AIF1L: variants seen among roughly 807,000 people sequenced by gnomAD.
AIF1L encodes the protein allograft inflammatory factor 1-like.
In AIF1L, 12 loss-of-function variants were observed where a neutral mutation model predicts 20.7. That is an observed-to-expected ratio of 0.58 (90% CI 0.37 to 0.94). The LOEUF (loss-of-function observed/expected upper bound fraction) is 0.94, where lower values mean the gene tolerates loss of function less well. Ranked by LOEUF, AIF1L falls within the 40% of genes least tolerant of loss-of-function variation. AIF1L has a pLI of 0.01. For synonymous variants in AIF1L, 76 were observed against 65.1 expected (o/e 1.17, Z -0.81); for missense variants, 173 against 185.3 (o/e 0.93, Z 0.39).
chr9:131,096,960 C>G (rs182517912), intron 2 of AIF1L, 97 bp downstream of exon 2: 16 of 1,314,378 alleles, frequency 1.2e-5, no homozygotes, highest in Middle Eastern at 2.6e-4. Context: ...TCCAGATCTA[C>G]CCTCTTCCTT....
chr9:131,099,668 G>A (rs1830595773), intron 2 of AIF1L, among the ~76,000 whole-genome samples: 1 of 152,140 alleles, frequency 6.6e-6, no homozygotes, highest in African/African-American at 2.4e-5. Context: ...GTTCCCTTTG[G>A]GGCCTTTCTC....
At chr9:131,117,623 G>A in intron 4 of AIF1L, 133 bp from the exon 5 acceptor site, 2 of 893,754 alleles carry the variant, frequency 2.2e-6, no homozygotes, top group African/African-American at 1.7e-5. Flanking sequence ...GGCGTGATGG[G>A]CTCCTCCTCC....
intron 5 of AIF1L, among the ~76,000 whole-genome samples, chr9:131,119,094 T>G (rs1458140633): frequency 6.6e-6 from 1 of 152,268 alleles, no homozygotes; most frequent in Non-Finnish European, 1.5e-5. Context: ...GATTTCAGCC[T>G]TGTGTGGCTG....
intron 2 of AIF1L, among the ~76,000 whole-genome samples, chr9:131,110,227 A>G (rs1462065474): frequency 6.6e-6 from 1 of 152,092 alleles, no homozygotes; most frequent in East Asian, 1.9e-4. Context: ...AATAATAACA[A>G]TAGCTCCCTC....
At position 131,121,067 on chromosome 9, in the gene AIF1L, G is replaced by C. The variant is rs764436201; in HGVS notation, c.*745G>C. The C allele has an allele frequency of 2.9e-6, 2 of 693,684 alleles. No individual in the cohort carries two copies. Among genetic ancestry groups the C allele is most frequent in the East Asian group, 2.8e-5 (1 of 36,358 alleles). 43.0% of individuals were successfully genotyped at this position (693,684 alleles called of 1,614,324 possible). A position where few individuals can be genotyped will look rare whatever the true frequency, so the allele number is the denominator to read the frequency against. On this transcript the variant is annotated 3_prime_UTR_variant, in exon 6 of 6. Transcript: ENST00000247291. ...GCTTCGGAGGCAGAAGTGAGGCCTG[G>C]GGTTTTGGGGGAAAGGTCAGCTCAG...
At chr9:131,101,326 G>C (rs1013428327) in intron 2 of AIF1L, among the ~76,000 whole-genome samples, 4 of 152,048 alleles carry the variant, frequency 2.6e-5, no homozygotes, top group African/African-American at 9.7e-5. Flanking sequence ...TCTGCAGACA[G>C]CCCCATGGGA....
At chr9:131,096,912 G>A (rs1376293778) in intron 2 of AIF1L, 49 bp downstream of exon 2, 2 of 1,488,950 alleles carry the variant, frequency 1.3e-6, no homozygotes, top group Admixed American at 4.9e-5. Flanking sequence ...CGCGCGCTGC[G>A]CGGGTGCCAC....
At chr9:131,116,630 C>A (rs149892448) in intron 4 of AIF1L, among the ~76,000 whole-genome samples, 2 of 152,160 alleles carry the variant, frequency 1.3e-5, no homozygotes, top group African/African-American at 4.8e-5. Flanking sequence ...TTAGCCGATG[C>A]CTTTGTGTGG....
chr9:131,117,636 A>C, intron 4 of AIF1L, 120 bp from the exon 5 acceptor site: 1 of 1,025,842 alleles, frequency 9.7e-7, no homozygotes, highest in Non-Finnish European at 1.4e-6. Context: ...CCTCCTCCCT[A>C]GAGAAGGAGT....
intron 2 of AIF1L, chr9:131,102,931 G>A (rs1441763101): frequency 6.6e-6 from 3 of 456,336 alleles, no homozygotes; most frequent in South Asian, 4.6e-5. Context: ...TGCTGCAGCT[G>A]ATACAGAAAG....
intron 1 of AIF1L, 50 bp from the exon 2 acceptor site, chr9:131,096,752 G>T (rs749727466): frequency 5.3e-6 from 8 of 1,497,116 alleles, no homozygotes; most frequent in Non-Finnish European, 7.1e-6. Context: ...ACGGGGGCGC[G>T]TGGCCCGAAG....
chr9:131,097,358 T>A (rs1185628136), intron 2 of AIF1L, among the ~76,000 whole-genome samples: 1 of 152,212 alleles, frequency 6.6e-6, no homozygotes, highest in African/African-American at 2.4e-5. Flanking sequence ...TAGCTGGGAC[T>A]ACAGGCATGT....
At chr9:131,101,503 C>T (rs140871222) in intron 2 of AIF1L, among the ~76,000 whole-genome samples, 103 of 152,058 alleles carry the variant, frequency 6.8e-4, no homozygotes, top group Non-Finnish European at 1.1e-3. Context: ...TGCACCACCA[C>T]GCCAAGCTAA....
chr9:131,115,118 A>G (rs1212789585), intron 4 of AIF1L, among the ~76,000 whole-genome samples: 1 of 152,168 alleles, frequency 6.6e-6, no homozygotes, highest in Non-Finnish European at 1.5e-5. Flanking sequence ...GGCTGGTTTA[A>G]TTATCCCCAT....
In AIF1L at chr9:131,120,797, C is replaced by T. The variant is rs353512; in HGVS notation, c.*475C>T. On this transcript the variant is annotated 3_prime_UTR_variant, in exon 6 of 6. Transcript: ENST00000247291. ...CGGGTTTCCTTGGACAGTGCCATGG[C>T]TCCAGTGCTCTGGTGTCACCCAGGA... 252,451 of 373,324 alleles carry T rather than the reference C, an allele frequency of 0.68. 86,979 individuals carry two copies. The highest frequency in any genetic ancestry group is 0.76 in the Admixed American group (17,176 of 22,492). 23.1% of individuals were successfully genotyped at this position (373,324 alleles called of 1,614,324 possible).
chr9:131,098,521 A>C (rs910844850), intron 2 of AIF1L, among the ~76,000 whole-genome samples: 2 of 152,040 alleles, frequency 1.3e-5, no homozygotes, highest in Non-Finnish European at 2.9e-5. Context: ...ACCCACAGCC[A>C]GCGGGACCCT....
In AIF1L at chr9:131,098,957, G is replaced by T. The variant is rs942828830; in HGVS notation, c.93+2094G>T. Reference sequence around the variant, plus strand: ...GGGCCCTGTAGGAAGGAGGCGCCAGGATCACACGGGAAGCTTGAGCTGCTT... The same window carrying T: ...GGGCCCTGTAGGAAGGAGGCGCCAGTATCACACGGGAAGCTTGAGCTGCTT... On this transcript the variant is annotated intron_variant, in intron 2 of 5. Transcript: ENST00000247291. Among the ~76,000 whole-genome samples, 4 of 152,190 alleles carry T rather than the reference G, an allele frequency of 2.6e-5. No homozygotes were observed. In the South Asian group the frequency reaches 8.3e-4, roughly 31 times the overall value.
intron 3 of AIF1L, 32 bp downstream of exon 3, chr9:131,111,695 C>G (rs751878212): frequency 6.2e-7 from 1 of 1,605,928 alleles, no homozygotes; most frequent in African/African-American, 1.3e-5. Context: ...TGCATTTATT[C>G]CTGGGGGAGG....
rs575477298 is a variant in AIF1L at position 131,122,163 on chromosome 9, A to G, written c.*1841A>G. The G allele has an allele frequency of 6.6e-6, 1 of 152,248 alleles. No individual in the cohort carries two copies. The highest frequency in any genetic ancestry group is 2.0e-4 in the East Asian group (1 of 5,126). The allele number at this position is 152,248 out of a possible 1,614,324, so 9.4% of individuals were successfully genotyped here. ...GTGAGAGTCTTGGCAGAGCCTTTGC[A>G]ACACCTTAAGTGGACAGGACTGGGA... On this transcript the variant is annotated 3_prime_UTR_variant, in exon 6 of 6. Coordinates refer to ENST00000247291, the MANE Select transcript of AIF1L (RefSeq NM_031426.4).
Sources: gnomAD v4.1 joint callset for allele counts (sites outside exome capture counted in the v4.1 genomes callset) on GRCh38, gnomAD v4.1.1 for gene constraint, MANE v1.5 for transcripts, NCBI Gene and HGNC (gene_info 2026-07-23, HGNC 2026-07-21) for gene names.